Variants in PDE7B observed in about 807,000 individuals in gnomAD.
PDE7B encodes the protein 3',5'-cyclic-AMP phosphodiesterase 7B.
PDE7B carries 29 observed loss-of-function variants against 56.2 expected under a neutral mutation model. That is an observed-to-expected ratio of 0.52 (90% CI 0.38 to 0.70). PDE7B has a LOEUF of 0.70. Among genes scored for constraint, PDE7B ranks in the 30% least tolerant of loss-of-function variants. PDE7B has a pLI of 0.00. For missense variants in PDE7B, 490 were observed against 565.0 expected, an observed-to-expected ratio of 0.87 and a Z score of 1.35; for synonymous variants, 197 against 196.9, an observed-to-expected ratio of 1.00 and a Z score of 0.00.
chr6:136,190,787 C>T (rs1779209981), intron 12 of PDE7B, among the ~76,000 whole-genome samples: 1 of 152,166 alleles, frequency 6.6e-6, no homozygotes, highest in Non-Finnish European at 1.5e-5. Flanking sequence ...TAAAGCTGGA[C>T]TTTCATACAG....
intron 2 of PDE7B, among the ~76,000 whole-genome samples, chr6:136,043,570 A>G: frequency 9.4e-6 from 1 of 106,650 alleles, no homozygotes; most frequent in East Asian, 2.4e-4. Context: ...TAAATGACAT[A>G]ATAGCAAAAA....
intron 1 of PDE7B, among the ~76,000 whole-genome samples, chr6:135,932,557 T>C (rs1201025415): frequency 6.6e-6 from 1 of 152,118 alleles, no homozygotes; most frequent in Non-Finnish European, 1.5e-5. Context: ...TTTTAAAAAA[T>C]GGAGAAAGAG....
intron 3 of PDE7B, among the ~76,000 whole-genome samples, chr6:136,134,871 CT>C (rs1778185808): frequency 6.6e-6 from 1 of 151,692 alleles, no homozygotes; most frequent in Admixed American, 6.6e-5. Flanking sequence ...AGACAGTCAG[CT>C]AGGAAGGAGC....
At chr6:136,179,207 G>C in intron 10 of PDE7B, 66 bp downstream of exon 10, 1 of 1,460,324 alleles carries the variant, frequency 6.8e-7, no homozygotes, top group Non-Finnish European at 9.5e-7. Context: ...TGGGTGTGGT[G>C]GCTCACATCT....
intron 1 of PDE7B, among the ~76,000 whole-genome samples, chr6:135,883,884 G>A (rs955998940): frequency 2.0e-5 from 3 of 152,158 alleles, no homozygotes; most frequent in African/African-American, 7.2e-5. Flanking sequence ...TAATTATCAG[G>A]TTCTGCCCAG....
intron 1 of PDE7B, among the ~76,000 whole-genome samples, chr6:135,877,550 G>T (rs1217472968): frequency 1.3e-5 from 2 of 151,606 alleles, no homozygotes; most frequent in Non-Finnish European, 2.9e-5. Flanking sequence ...GGCAGCCCAG[G>T]GTCATGCTAA....
At chr6:136,018,595 C>T (rs915870010) in intron 2 of PDE7B, among the ~76,000 whole-genome samples, 1 of 152,130 alleles carries the variant, frequency 6.6e-6, no homozygotes, top group African/African-American at 2.4e-5. Context: ...GTGAAAAGAA[C>T]ATGGTGCCTC....
At chr6:136,047,514 T>C (rs1776534367) in intron 2 of PDE7B, 1 of 152,144 alleles carries the variant, frequency 6.6e-6, no homozygotes, top group Non-Finnish European at 1.5e-5. Context: ...GGAATGTAAA[T>C]AGACAAAATT....
chr6:135,894,993 C>T (rs1249975984), intron 1 of PDE7B, among the ~76,000 whole-genome samples: 1 of 151,694 alleles, frequency 6.6e-6, no homozygotes, highest in African/African-American at 2.4e-5. Flanking sequence ...ATTAAATGTG[C>T]TAAAAAGGGT....
chr6:135,987,741 A>G (rs553432253), intron 2 of PDE7B, among the ~76,000 whole-genome samples: 45 of 152,166 alleles, frequency 3.0e-4, no homozygotes, highest in Admixed American at 1.7e-3. Flanking sequence ...CATTTCTCTA[A>G]ACAGTGTTGC....
In PDE7B at chr6:136,148,971, A is replaced by G. The variant is rs1778466384; in HGVS notation, c.319-116A>G. ...TAGGGAAACCATTCATTTGCACTAG[A>G]TGGTAGTATGCTAGGATTTTCAACT... is the stretch of plus-strand genomic sequence containing the variant. On this transcript the variant is annotated intron_variant, in intron 4 of 12. Coordinates refer to ENST00000308191, the MANE Select transcript of PDE7B (RefSeq NM_018945.4). The G allele has an allele frequency of 1.1e-5, 8 of 709,742 alleles. No individual in the cohort carries two copies. In the Admixed American group the frequency reaches 1.8e-4, roughly 16 times the overall value. The allele number at this position is 709,742 out of a possible 1,614,324, so 44.0% of individuals were successfully genotyped here.
At position 135,873,474 on chromosome 6, in the gene PDE7B, T is replaced by C. The variant is rs142741804; in HGVS notation, c.21+21455T>C. ...GGCTAAATTGTTTTTGAAGGATTAT[T>C]GAATTATCTTTTATATAGATCTTTA... On this transcript the variant is annotated intron_variant, in intron 1 of 12. Coordinates refer to ENST00000308191, the MANE Select transcript of PDE7B (RefSeq NM_018945.4). 4.1e-4 allele frequency among the ~76,000 whole-genome samples: 62 copies of C among 152,324 alleles called. No individual in the cohort carries two copies. In the East Asian group the frequency reaches 0.012, roughly 29 times the overall value.
intron 2 of PDE7B, among the ~76,000 whole-genome samples, chr6:136,099,761 G>T (rs1777530619): frequency 6.6e-6 from 1 of 152,182 alleles, no homozygotes; most frequent in South Asian, 2.1e-4. Flanking sequence ...TTGCTGTGCA[G>T]AAGCTCTTTA....
chr6:136,075,902 CTT>C (rs1777121365), intron 2 of PDE7B, among the ~76,000 whole-genome samples: 1 of 152,152 alleles, frequency 6.6e-6, no homozygotes. Context: ...TTTTCTGTGA[CTT>C]GACTTCTACA....
At chr6:136,094,339 C>T (rs145973328) in intron 2 of PDE7B, 23 of 152,780 alleles carry the variant, frequency 1.5e-4, no homozygotes, top group African/African-American at 5.1e-4. Context: ...TTGCCCTCAT[C>T]CCCTCACACT....
In PDE7B at chr6:136,026,523, T is replaced by C. The variant is rs1432450707; in HGVS notation, c.82+78999T>C. 3.3e-5 allele frequency among the ~76,000 whole-genome samples: 5 copies of C among 152,204 alleles called. No homozygotes were observed. The East Asian group carries it at 9.6e-4, about 29-fold the overall frequency. On this transcript the variant is annotated intron_variant, in intron 2 of 12. Transcript: ENST00000308191. Reference sequence around the variant, plus strand: ...CTTCAATTCATCGGACTTAAATGTTTAGCAGCCAGATATGATGATAAGCTG... The same window carrying C: ...CTTCAATTCATCGGACTTAAATGTTCAGCAGCCAGATATGATGATAAGCTG...
chr6:135,926,085 TGGGGGGGGG>T lies in PDE7B; in HGVS notation c.22-21372_22-21364del, dbSNP rs948738463. 4.3e-4 allele frequency among the ~76,000 whole-genome samples: 7 copies of T among 16,156 alleles called. 1 individual carries two copies. The highest frequency in any genetic ancestry group is 8.7e-4 in the African/African-American group (7 of 8,038). 10.6% of individuals were successfully genotyped at this position (16,156 alleles called of 152,430 possible). Reference sequence around the variant, plus strand: ...GCATGCTTCTGTTTTTTCTTTTTTTTGGGGGGGGGGGGGGGAGGGGGGATGGAGTTTCAC... The same window carrying T: ...GCATGCTTCTGTTTTTTCTTTTTTTTGGGGGGAGGGGGGATGGAGTTTCAC... On this transcript the variant is annotated intron_variant, in intron 1 of 12. Coordinates refer to ENST00000308191, the MANE Select transcript of PDE7B (RefSeq NM_018945.4).
chr6:136,040,829 T>A (rs1288987823), intron 2 of PDE7B, among the ~76,000 whole-genome samples: 1 of 152,222 alleles, frequency 6.6e-6, no homozygotes, highest in Non-Finnish European at 1.5e-5. Context: ...CTCAGTCAAC[T>A]GAAAATTTTC....
At chr6:135,874,069 T>C (rs1653370863) in intron 1 of PDE7B, among the ~76,000 whole-genome samples, 1 of 152,130 alleles carries the variant, frequency 6.6e-6, no homozygotes, top group Non-Finnish European at 1.5e-5. Flanking sequence ...AGGATGGGCA[T>C]GAAATTTTTA....
Sources: gnomAD v4.1 joint callset for allele counts (sites outside exome capture counted in the v4.1 genomes callset) on GRCh38, gnomAD v4.1.1 for gene constraint, MANE v1.5 for transcripts, NCBI Gene and HGNC (gene_info 2026-07-23, HGNC 2026-07-21) for gene names.